The following PIK3C2A variants were observed in gnomAD, a reference collection of about 807,000 sequenced individuals.
The protein encoded by PIK3C2A is phosphatidylinositol-4-phosphate 3-kinase catalytic subunit type 2 alpha, also known as phosphatidylinositol 4-phosphate 3-kinase C2 domain-containing subunit alpha.
In PIK3C2A, 97 loss-of-function variants were observed where a neutral mutation model predicts 204.5. The observed-to-expected ratio is 0.47, with a 90% confidence interval of 0.40 to 0.56. The LOEUF is 0.56. PIK3C2A is among the 20% of genes least tolerant of loss of function. The probability of loss-of-function intolerance (pLI) is 0.00; values close to 1 mark genes in which losing one functional copy is unlikely to be tolerated. For synonymous variants in PIK3C2A, 653 were observed against 664.4 expected (o/e 0.98, Z 0.26); for missense variants, 1,735 against 1,969.2 (o/e 0.88, Z 2.25).
intron 2 of PIK3C2A, among the ~76,000 whole-genome samples, chr11:17,166,969 C>T (rs214938): frequency 0.24 from 36,484 of 151,940 alleles, 5,359 homozygotes; most frequent in East Asian, 0.38. Flanking sequence ...TGCCTTCCCC[C>T]CAACTGCCCC....
intron 2 of PIK3C2A, among the ~76,000 whole-genome samples, chr11:17,163,496 T>C (rs1374386646): frequency 6.6e-6 from 1 of 152,122 alleles, no homozygotes; most frequent in East Asian, 1.9e-4. Flanking sequence ...CTCAAACTCC[T>C]GGGCTTGAGA....
At chr11:17,160,882 G>A (rs75218178) in intron 2 of PIK3C2A, among the ~76,000 whole-genome samples, 8,596 of 152,080 alleles carry the variant, frequency 0.057, 300 homozygotes, top group Middle Eastern at 0.078. Flanking sequence ...GGGGAAGACA[G>A]GAACAAACAG....
At chr11:17,145,993 T>A in intron 6 of PIK3C2A, 51 bp from the exon 7 acceptor site, 1 of 1,320,512 alleles carries the variant, frequency 7.6e-7, no homozygotes, top group South Asian at 1.2e-5. Flanking sequence ...TTGGTCTTTC[T>A]ATTGTCAAAT....
chr11:17,159,954 C>G (rs1349812206), intron 2 of PIK3C2A, among the ~76,000 whole-genome samples: 1 of 152,186 alleles, frequency 6.6e-6, no homozygotes, highest in Admixed American at 6.5e-5. Context: ...TTCTGCAGGC[C>G]TTCAACTAAT....
intron 2 of PIK3C2A, among the ~76,000 whole-genome samples, chr11:17,161,841 T>C (rs544356144): frequency 8.5e-5 from 13 of 152,312 alleles, no homozygotes; most frequent in African/African-American, 2.9e-4. Context: ...AGGGAAAAGT[T>C]TGTAAGTAGA....
Position 17,121,290 on chromosome 11 carries a change from A to AT in PIK3C2A, c.2657+897dup, listed in dbSNP as rs1333122907. On this transcript the variant is annotated intron_variant, in intron 15 of 32. Transcript: ENST00000691414. ...ACAACACTGTGCCTGGCTACTTTTA[A>AT]TTTTTTTGTAGAGACAGGGTCTCAC... Among the ~76,000 whole-genome samples, 3 of 151,154 alleles carry AT rather than the reference A, an allele frequency of 2.0e-5. No individual in the cohort carries two copies. In the East Asian group the frequency reaches 5.8e-4, roughly 29 times the overall value.
At chr11:17,090,498 A>C (rs769416763) in intron 32 of PIK3C2A, among the ~76,000 whole-genome samples, 33 of 152,076 alleles carry the variant, frequency 2.2e-4, no homozygotes, top group African/African-American at 5.3e-4. Flanking sequence ...TAATAATAAT[A>C]ATCATCTAAG....
intron 7 of PIK3C2A, 39 bp from the exon 8 acceptor site, chr11:17,145,770 C>G (rs1244040597): frequency 1.3e-6 from 2 of 1,555,586 alleles, no homozygotes; most frequent in Non-Finnish European, 1.8e-6. Context: ...AAGGATGCTA[C>G]ACACAAAATG....
intron 1 of PIK3C2A, among the ~76,000 whole-genome samples, chr11:17,174,774 G>A (rs11603741): frequency 6.6e-6 from 1 of 151,904 alleles, no homozygotes; most frequent in Middle Eastern, 3.4e-3. Flanking sequence ...TGGCACGCCA[G>A]GCCTGTAATC....
At chr11:17,182,084 C>T (rs1194312402) in intron 1 of PIK3C2A, among the ~76,000 whole-genome samples, 1 of 148,184 alleles carries the variant, frequency 6.7e-6, no homozygotes, top group Non-Finnish European at 1.5e-5. Flanking sequence ...AAGAGTGAAA[C>T]TCTGTCTCAA....
Position 17,169,615 on chromosome 11 carries a change from G to A in PIK3C2A, c.127C>T (p.Gln43Ter). ...QMEAEALAKL[Q>*]KDRQVTDNQR... ...TTGTCAGTCACTTGTCTATCCTTTTGCAGTTTTGCTAAAGCCTCTGCTTCC... is the reference window on the plus strand; with the variant it reads ...TTGTCAGTCACTTGTCTATCCTTTTACAGTTTTGCTAAAGCCTCTGCTTCC... Residue 43 changes from glutamine to a stop codon, truncating the protein, a stop_gained, in exon 2 of 33, where the codon CAA becomes TAA. Transcript: ENST00000691414. LOFTEE classifies it high-confidence loss of function. The A allele has an allele frequency of 6.2e-7, 1 of 1,613,906 alleles. No homozygotes were observed. Among genetic ancestry groups the A allele is most frequent in the Non-Finnish European group, 8.5e-7 (1 of 1,179,998 alleles).
intron 1 of PIK3C2A, among the ~76,000 whole-genome samples, chr11:17,174,064 G>A (rs1309431283): frequency 6.6e-6 from 1 of 151,904 alleles, no homozygotes; most frequent in Non-Finnish European, 1.5e-5. Flanking sequence ...GACCTCAAGT[G>A]ATCCACCTGC....
intron 22 of PIK3C2A, among the ~76,000 whole-genome samples, chr11:17,106,810 A>G (rs1848835905): frequency 6.6e-6 from 1 of 152,190 alleles, no homozygotes; most frequent in Non-Finnish European, 1.5e-5. Flanking sequence ...TAAGACACAC[A>G]CTGTCCCACT....
chr11:17,089,359 A>G lies in PIK3C2A; in HGVS notation c.*379T>C, dbSNP rs118169004. The G allele has an allele frequency of 1.3e-5, 2 of 158,498 alleles. No homozygotes were observed. Among genetic ancestry groups the G allele is most frequent in the East Asian group, 3.6e-4 (2 of 5,502 alleles). The allele number at this position is 158,498 out of a possible 1,614,324, so 9.8% of individuals were successfully genotyped here. ...TGAACATTACACAGTGGTAAAGGCT[A>G]TAAAAGGTGCATAACAGGAAAACAC... On this transcript the variant is annotated 3_prime_UTR_variant, in exon 33 of 33. Transcript: ENST00000691414.
chr11:17,116,396 T>C (rs1292800615), intron 19 of PIK3C2A, among the ~76,000 whole-genome samples: 1 of 151,660 alleles, frequency 6.6e-6, no homozygotes, highest in African/African-American at 2.4e-5. Context: ...AAAAAAACAA[T>C]GTTGGTGAGG....
chr11:17,134,881 T>C lies in PIK3C2A; in HGVS notation c.2046A>G (p.Thr682=). ...AAATAGTAAACTGGAGCTGCTCTGTTGTAGTCCATGCTTCCTTGACACTCT... is the reference window on the plus strand; with the variant it reads ...AAATAGTAAACTGGAGCTGCTCTGTCGTAGTCCATGCTTCCTTGACACTCT... ...SSKSVKEAWT[T]TEQLQFTIFA... is the part of the protein sequence containing the mutation. The change falls in exon 11 of 33, where the codon ACA becomes ACG. Residue 682 remains threonine, a synonymous_variant. Transcript: ENST00000691414. 6.2e-7 allele frequency: 1 copy of C among 1,614,184 alleles called. No individual in the cohort carries two copies. The highest frequency in any genetic ancestry group is 1.3e-5 in the African/African-American group (1 of 75,054).
intron 1 of PIK3C2A, among the ~76,000 whole-genome samples, chr11:17,179,672 G>A (rs7934596): frequency 0.057 from 8,737 of 152,170 alleles, 842 homozygotes; most frequent in East Asian, 0.42. Context: ...CTGAAGGGCA[G>A]TGACATCATC....
At chr11:17,121,307 G>A (rs1376916445) in intron 15 of PIK3C2A, among the ~76,000 whole-genome samples, 26 of 151,244 alleles carry the variant, frequency 1.7e-4, no homozygotes, top group Admixed American at 1.7e-3. Flanking sequence ...TGTAGAGACA[G>A]GGTCTCACTA....
chr11:17,155,461 A>G, intron 3 of PIK3C2A, 65 bp downstream of exon 3: 1 of 795,480 alleles, frequency 1.3e-6, no homozygotes, highest in Non-Finnish European at 2.0e-6. Flanking sequence ...TTTTAGAATT[A>G]TTAGCACTAA....
Sources: allele counts gnomAD v4.1 joint callset (sites outside exome capture counted in the v4.1 genomes callset), GRCh38; gene constraint gnomAD v4.1.1; transcripts MANE v1.5; gene names NCBI Gene and HGNC (gene_info 2026-07-23, HGNC 2026-07-21).